The following SCN1A variants were observed in gnomAD, a reference collection of about 807,000 sequenced individuals.
SCN1A encodes sodium channel protein type 1 subunit alpha.
In SCN1A, 13 loss-of-function variants were observed where a neutral mutation model predicts 193.7. The ratio of observed to expected loss-of-function variants is 0.07; its 90% CI spans 0.04 to 0.11. The LOEUF (loss-of-function observed/expected upper bound fraction) is 0.11. Among genes scored for constraint, SCN1A ranks in the 10% least tolerant of loss-of-function variants. The pLI is 1.00. For missense variants in SCN1A, 1,432 were observed against 2,451.1 expected (o/e 0.58, Z 8.78); for synonymous variants, 781 against 843.6 (o/e 0.93, Z 1.29).
intron 4 of SCN1A, chr2:166,073,154 G>T: frequency 3.3e-6 from 2 of 613,266 alleles, no homozygotes; most frequent in Non-Finnish European, 2.7e-6. Context: ...TATTTGTCAT[G>T]GTGCATTTGG....
At chr2:166,060,100 A>C (rs1416840294) in intron 4 of SCN1A, 1 of 152,150 alleles carries the variant, frequency 6.6e-6, no homozygotes, top group Non-Finnish European at 1.5e-5. Context: ...AGTTTTCTAG[A>C]AACTAATTTT....
At chr2:166,027,897 A>G (rs1004537620) in intron 19 of SCN1A, among the ~76,000 whole-genome samples, 12 of 152,152 alleles carry the variant, frequency 7.9e-5, no homozygotes, top group Non-Finnish European at 1.5e-4. Context: ...ATATAATATC[A>G]ATGGAAAAGA....
intron 19 of SCN1A, among the ~76,000 whole-genome samples, chr2:166,029,145 C>T (rs1053487030): frequency 6.6e-6 from 1 of 151,964 alleles, no homozygotes; most frequent in Non-Finnish European, 1.5e-5. Context: ...AAGGAGTCAG[C>T]GGTGGTCAGT....
rs868170724 is a variant in SCN1A at position 166,101,523 on chromosome 2, A to C, written c.-141-23722T>G. ...TTAAAGTATAATTAAAAAAAAAAAA[A>C]AACAGACACATAGACCAATGAAACA... On this transcript the variant is annotated intron_variant, in intron 2 of 28. Coordinates refer to ENST00000674923, the MANE Select transcript of SCN1A (RefSeq NM_001165963.4). Among the ~76,000 whole-genome samples, 820 of 151,636 alleles carry C rather than the reference A, an allele frequency of 5.4e-3. 10 individuals carry two copies. Among genetic ancestry groups the C allele is most frequent in the African/African-American group, 0.018 (730 of 41,094 alleles).
In SCN1A at chr2:165,989,185, A is replaced by G. The variant is rs963582567; in HGVS notation, c.*2060T>C. The stretch of plus-strand genomic sequence containing the variant: ...TAAAATAAAAAATGTAATCTTTATT[A>G]GTTTTGCACATTTTAAATGTTGGTT... On this transcript the variant is annotated 3_prime_UTR_variant, in exon 29 of 29. Transcript: ENST00000674923. The G allele has an allele frequency of 6.6e-6, 1 of 152,590 alleles. No individual in the cohort carries two copies. Among genetic ancestry groups the G allele is most frequent in the Non-Finnish European group, 1.5e-5 (1 of 68,024 alleles). 9.5% of individuals were successfully genotyped at this position (152,590 alleles called of 1,614,324 possible). A position where few individuals can be genotyped will look rare whatever the true frequency, so the allele number is the denominator to read the frequency against.
Position 166,005,868 on chromosome 2 carries a change from G to A in SCN1A, c.4003-3115C>T, listed in dbSNP as rs1421761221. Among the ~76,000 whole-genome samples, 3 of 151,254 alleles carry A rather than the reference G, an allele frequency of 2.0e-5. No homozygotes were observed. The South Asian group carries it at 6.2e-4, about 31-fold the overall frequency. ...ATGAAAGGAAATGTCTGAGAAAGGA[G>A]CTATCTTAATGAATTAATACTGTAC... On this transcript the variant is annotated intron_variant, in intron 23 of 28. Coordinates refer to ENST00000674923, the MANE Select transcript of SCN1A (RefSeq NM_001165963.4).
intron 2 of SCN1A, among the ~76,000 whole-genome samples, chr2:166,118,302 C>CT (rs61002916): frequency 0.16 from 12,587 of 80,446 alleles, 4,850 homozygotes; most frequent in Non-Finnish European, 0.19. Flanking sequence ...TATTTAGTTT[C>CT]TTTTTTTTTT....
chr2:166,132,642 C>T (rs140813928), upstream of SCN1A, among the ~76,000 whole-genome samples: 2 of 152,240 alleles, frequency 1.3e-5, no homozygotes, highest in African/African-American at 4.8e-5. Context: ...CTAGAGCCAA[C>T]TAGTTTTTCT....
At chr2:166,143,697 A>C (rs540525029) in intron 1 of SCN1A, among the ~76,000 whole-genome samples, 8 of 152,218 alleles carry the variant, frequency 5.3e-5, no homozygotes, top group Non-Finnish European at 1.2e-4. Context: ...ATTAGAAAAA[A>C]GTCTGAGGAA....
chr2:166,036,616 G>T, intron 18 of SCN1A, 86 bp from the exon 19 acceptor site: 1 of 1,386,572 alleles, frequency 7.2e-7, no homozygotes. Flanking sequence ...TTTTAAGTGT[G>T]GAAAAAACTC....
intron 4 of SCN1A, 112 bp from the exon 5 acceptor site, chr2:166,058,800 A>G (rs1699382041): frequency 4.3e-6 from 3 of 704,610 alleles, no homozygotes; most frequent in African/African-American, 1.8e-5. Flanking sequence ...ATGAGAAACC[A>G]GCACAATCAC....
chr2:166,096,691 G>A (rs1574476633), intron 2 of SCN1A, among the ~76,000 whole-genome samples: 2 of 152,078 alleles, frequency 1.3e-5, no homozygotes, highest in Admixed American at 1.3e-4. Flanking sequence ...ATGACATTTT[G>A]CTTCAACTCA....
At chr2:165,994,788 CCA>C (rs1689790130) in intron 27 of SCN1A, among the ~76,000 whole-genome samples, 1 of 151,412 alleles carries the variant, frequency 6.6e-6, no homozygotes. Context: ...TCAAGACTTT[CCA>C]ATGATCAGCT....
intron 1 of SCN1A, among the ~76,000 whole-genome samples, chr2:166,148,125 C>T (rs539675994): frequency 6.6e-6 from 1 of 152,202 alleles, no homozygotes; most frequent in Non-Finnish European, 1.5e-5. Context: ...CAAGGACACA[C>T]AGGAAGATAA....
intron 21 of SCN1A, 98 bp downstream of exon 21, chr2:166,013,646 A>T: frequency 9.2e-7 from 1 of 1,091,282 alleles, no homozygotes; most frequent in Non-Finnish European, 1.4e-6. Flanking sequence ...TTAAAAATGC[A>T]TTGGATACTA....
chr2:166,039,453 T>C lies in SCN1A; in HGVS notation c.2559A>G (p.Glu853=), dbSNP rs764292628. 3 of 1,612,716 alleles carry C rather than the reference T, an allele frequency of 1.9e-6. No individual in the cohort carries two copies. The highest frequency in any genetic ancestry group is 2.5e-6 in the Non-Finnish European group (3 of 1,179,358). The change falls in exon 17 of 29, where the codon GAA becomes GAG. Residue 853 remains glutamate, a synonymous_variant. Coordinates refer to ENST00000674923, the MANE Select transcript of SCN1A (RefSeq NM_001165963.4). ...GAAATGAACGGAGAACAGATAATCC[T>C]TCCACATTGGCGAGTCCAAGTTCTA... ...SLVELGLANV[E]GLSVLRSFRL... is the part of the protein sequence containing the mutation.
At chr2:166,036,845 CA>C (rs1696450608) in intron 18 of SCN1A, among the ~76,000 whole-genome samples, 1 of 152,122 alleles carries the variant, frequency 6.6e-6, no homozygotes, top group South Asian at 2.1e-4. Flanking sequence ...TATATGTGTA[CA>C]ATACGAGAAT....
At chr2:166,089,058 G>A (rs976401108) in intron 2 of SCN1A, among the ~76,000 whole-genome samples, 5 of 152,080 alleles carry the variant, frequency 3.3e-5, no homozygotes, top group African/African-American at 7.2e-5. Context: ...TGGGATACAC[G>A]TGCAGAACTT....
Position 165,990,398 on chromosome 2 carries a change from AG to A in SCN1A, c.*846del, listed in dbSNP as rs747172088. ...GGTCAATTCAGTCTTCTGGCGGTGG[AG>A]GGTGAGGGGCAATATTCACTATTCA... On this transcript the variant is annotated 3_prime_UTR_variant, in exon 29 of 29. Transcript: ENST00000674923. The A allele has an allele frequency of 5.9e-5, 9 of 152,480 alleles. No individual in the cohort carries two copies. Among genetic ancestry groups the A allele is most frequent in the Non-Finnish European group, 1.0e-4 (7 of 67,988 alleles). The allele number at this position is 152,480 out of a possible 1,614,324, so 9.4% of individuals were successfully genotyped here.
Sources: allele counts gnomAD v4.1 joint callset (sites outside exome capture counted in the v4.1 genomes callset), GRCh38; gene constraint gnomAD v4.1.1; transcripts MANE v1.5; gene names NCBI Gene and HGNC (gene_info 2026-07-23, HGNC 2026-07-21).